The following JMY variants were observed in gnomAD, a reference collection of about 807,000 sequenced individuals.
JMY encodes the protein junction mediating and regulatory protein, p53 cofactor.
JMY carries 46 observed loss-of-function variants against 103.3 expected under a neutral mutation model. The observed-to-expected ratio is 0.45, with a 90% CI of 0.35 to 0.57. The LOEUF (loss-of-function observed/expected upper bound fraction) is 0.57, where lower values mean the gene tolerates loss of function less well. Ranked by LOEUF, JMY falls within the 20% of genes least tolerant of loss-of-function variation. The probability of loss-of-function intolerance (pLI) is 0.00; values close to 1 mark genes in which losing one functional copy is unlikely to be tolerated. For missense variants in JMY, 1,238 were observed against 1,255.2 expected, an observed-to-expected ratio of 0.99 and a Z score of 0.21; for synonymous variants, 526 against 489.3, an observed-to-expected ratio of 1.07 and a Z score of -0.99.
chr5:79,291,039 T>C, intron 3 of JMY, 91 bp from the exon 4 acceptor site: 1 of 877,204 alleles, frequency 1.1e-6, no homozygotes, highest in Non-Finnish European at 1.6e-6. Flanking sequence ...GCAGGATTTG[T>C]TTCTCTTTGT....
chr5:79,267,189 T>G (rs138760648), intron 1 of JMY, among the ~76,000 whole-genome samples: 2 of 152,328 alleles, frequency 1.3e-5, no homozygotes, highest in Non-Finnish European at 2.9e-5. Flanking sequence ...TAATCCATAG[T>G]TTATATTAAA....
At chr5:79,286,932 A>C (rs1377999362) in intron 2 of JMY, among the ~76,000 whole-genome samples, 2 of 152,200 alleles carry the variant, frequency 1.3e-5, no homozygotes, top group Non-Finnish European at 2.9e-5. Flanking sequence ...AATTGTAAAA[A>C]CAGCTACCAC....
intron 2 of JMY, among the ~76,000 whole-genome samples, chr5:79,282,768 T>C (rs529672728): frequency 5.3e-5 from 8 of 152,272 alleles, no homozygotes; most frequent in African/African-American, 1.9e-4. Flanking sequence ...TCCAGCACCA[T>C]TGATGGTTGC....
At chr5:79,292,047 A>G (rs1482553861) in intron 4 of JMY, among the ~76,000 whole-genome samples, 4 of 152,130 alleles carry the variant, frequency 2.6e-5, no homozygotes. Flanking sequence ...ATGGATTTTT[A>G]TCATTATTTC....
intron 3 of JMY, 136 bp from the exon 4 acceptor site, chr5:79,290,986 TAAAAGAAA>T (rs1343725032): frequency 9.3e-6 from 5 of 538,866 alleles, no homozygotes; most frequent in South Asian, 3.9e-5. Flanking sequence ...CTCCATCTCA[TAAAAGAAA>T]AAAAGAAAAA....
intron 1 of JMY, among the ~76,000 whole-genome samples, chr5:79,244,505 A>C (rs945944897): frequency 4.6e-5 from 7 of 152,154 alleles, no homozygotes; most frequent in African/African-American, 1.7e-4. Context: ...TATCTTTGCA[A>C]ATTCTCACAT....
rs369852055 is a variant in JMY, at chr5:79,306,584, T to A, written c.1968+123T>A. 9.3e-4 allele frequency: 660 copies of A among 709,288 alleles called. 13 individuals are homozygous for A. The South Asian group carries it at 0.012, about 13-fold the overall frequency. The allele number at this position is 709,288 out of a possible 1,614,324, so 43.9% of individuals were successfully genotyped here. The stretch of plus-strand genomic sequence containing the variant: ...CATGTTAACATTAGTTCAGTTTATA[T>A]AATGAGCAGTTTTTAGGCAAAATTG... On this transcript the variant is annotated intron_variant, in intron 7 of 10. Transcript: ENST00000396137.
At position 79,323,486 on chromosome 5, in the gene JMY, A is replaced by AT. The variant is rs1747529747; in HGVS notation, c.*1886dup. ...AGCGTATTTCTTAACCCAAAGAGTG[A>AT]TTGGTTATATGAATATATTTGAAAA... On this transcript the variant is annotated 3_prime_UTR_variant, in exon 11 of 11. Coordinates refer to ENST00000396137, the MANE Select transcript of JMY (RefSeq NM_152405.5). 3 of 152,198 alleles carry AT rather than the reference A, an allele frequency of 2.0e-5. No individual in the cohort carries two copies. Among genetic ancestry groups the AT allele is most frequent in the Admixed American group, 1.3e-4 (2 of 15,270 alleles). The allele number at this position is 152,198 out of a possible 1,614,324, so 9.4% of individuals were successfully genotyped here.
intron 4 of JMY, among the ~76,000 whole-genome samples, chr5:79,298,001 C>A (rs537418866): frequency 1.3e-5 from 2 of 152,318 alleles, no homozygotes; most frequent in South Asian, 4.1e-4. Context: ...GAGTACTGTT[C>A]TCTTTGTGGT....
At chr5:79,261,116 C>A (rs1349345225) in intron 1 of JMY, among the ~76,000 whole-genome samples, 1 of 152,180 alleles carries the variant, frequency 6.6e-6, no homozygotes, top group Non-Finnish European at 1.5e-5. Flanking sequence ...GTCACACAAA[C>A]CTGTCCCTTT....
At chr5:79,296,825 C>A (rs1438194108) in intron 4 of JMY, among the ~76,000 whole-genome samples, 1 of 152,212 alleles carries the variant, frequency 6.6e-6, no homozygotes, top group Non-Finnish European at 1.5e-5. Context: ...AAAGGCAGAA[C>A]AAGGGCATAA....
In JMY at chr5:79,237,551, G is replaced by A; in HGVS notation, c.901G>A (p.Gly301Ser). ...CCTGGGCCACGGCCTGGACACCTGCGGCTGGAAGATCCTCTCCCAGGTGCT... is the reference window on the plus strand; with the variant it reads ...CCTGGGCCACGGCCTGGACACCTGCAGCTGGAAGATCCTCTCCCAGGTGCT... ...VYLGHGLDTC[G>S]WKILSQVLFT... The change falls in exon 1 of 11, where the codon GGC becomes AGC. Residue 301 changes from glycine to serine, a missense_variant. Transcript: ENST00000396137. The A allele has an allele frequency of 6.2e-7, 1 of 1,613,662 alleles. No individual in the cohort carries two copies. The highest frequency in any genetic ancestry group is 8.5e-7 in the Non-Finnish European group (1 of 1,180,018).
chr5:79,318,048 G>A (rs751272344), intron 10 of JMY, among the ~76,000 whole-genome samples: 2 of 152,132 alleles, frequency 1.3e-5, no homozygotes, highest in Non-Finnish European at 2.9e-5. Flanking sequence ...CTCACCCAGG[G>A]TGGAGTGCAG....
intron 2 of JMY, among the ~76,000 whole-genome samples, chr5:79,281,280 G>A (rs1044591214): frequency 4.0e-5 from 6 of 150,946 alleles, no homozygotes; most frequent in Admixed American, 3.3e-4. Flanking sequence ...TCCTGACCTC[G>A]TGATCCACCC....
intron 6 of JMY, 92 bp downstream of exon 6, chr5:79,300,955 A>C (rs1397173719): frequency 1.9e-6 from 2 of 1,072,424 alleles, no homozygotes; most frequent in African/African-American, 3.2e-5. Context: ...TTATGTTTTA[A>C]AACTAAGTAA....
chr5:79,314,352 T>C lies in JMY; in HGVS notation c.2160T>C (p.His720=), dbSNP rs763803710. 41 of 1,613,996 alleles carry C rather than the reference T, an allele frequency of 2.5e-5. No individual in the cohort carries two copies. Among genetic ancestry groups the C allele is most frequent in the African/African-American group, 5.3e-5 (4 of 74,878 alleles). ...CAAGTCCTGTTCTCCAAGAGGATCATTGTGACTCTTTACCAAGTGTGTTAC... is the reference window on the plus strand; with the variant it reads ...CAAGTCCTGTTCTCCAAGAGGATCACTGTGACTCTTTACCAAGTGTGTTAC... ...GAASPVLQED[H]CDSLPSVLQV... The change falls in exon 9 of 11, where the codon CAT becomes CAC. Residue 720 remains histidine, a synonymous_variant. Transcript: ENST00000396137.
intron 7 of JMY, among the ~76,000 whole-genome samples, chr5:79,309,424 T>C (rs1000401047): frequency 7.9e-5 from 12 of 152,238 alleles, no homozygotes; most frequent in African/African-American, 1.9e-4. Context: ...AACCTTCTCC[T>C]ACTCCCATAT....
intron 1 of JMY, among the ~76,000 whole-genome samples, chr5:79,260,740 TTCTC>T (rs1745397077): frequency 6.6e-6 from 1 of 151,926 alleles, no homozygotes; most frequent in East Asian, 1.9e-4. Context: ...GTCTTTTTTT[TTCTC>T]AGATTTTAGT....
At chr5:79,320,760 A>C (rs975861897) in intron 10 of JMY, among the ~76,000 whole-genome samples, 1 of 152,262 alleles carries the variant, frequency 6.6e-6, no homozygotes, top group Admixed American at 6.5e-5. Flanking sequence ...GACACAATGT[A>C]GCCAAAGTAG....
Sources: allele counts gnomAD v4.1 joint callset (sites outside exome capture counted in the v4.1 genomes callset), GRCh38; gene constraint gnomAD v4.1.1; transcripts MANE v1.5; gene names NCBI Gene and HGNC (gene_info 2026-07-23, HGNC 2026-07-21).